PTPRM: variants seen among roughly 807,000 people sequenced by gnomAD.
PTPRM encodes the protein protein tyrosine phosphatase receptor type M.
Under a neutral mutation model 186.7 loss-of-function variants are expected in PTPRM, and 47 were observed. The ratio of observed to expected loss-of-function variants is 0.25; its 90% CI spans 0.20 to 0.32. The LOEUF is 0.32. Among genes scored for constraint, PTPRM ranks in the 10% least tolerant of loss-of-function variants. The pLI, the probability that PTPRM is intolerant of heterozygous loss-of-function variation, is 1.00. For synonymous variants in PTPRM, 668 were observed against 674.9 expected, an observed-to-expected ratio of 0.99 and a Z score of 0.16; for missense variants, 1,494 against 1,865.0, an observed-to-expected ratio of 0.80 and a Z score of 3.66.
intron 31 of PTPRM, among the ~76,000 whole-genome samples, chr18:8,390,611 C>T (rs1005144573): frequency 6.6e-6 from 1 of 152,172 alleles, no homozygotes; most frequent in Non-Finnish European, 1.5e-5. Flanking sequence ...GGGCAAAAAA[C>T]TTGACAGGTA....
At chr18:7,833,749 C>CAACAAT (rs1407577712) in intron 2 of PTPRM, among the ~76,000 whole-genome samples, 1 of 15,478 alleles carries the variant, frequency 6.5e-5, no homozygotes, top group Non-Finnish European at 9.2e-5. Context: ...AGAAAAACAA[C>CAACAAT]AACAACAACA....
chr18:8,230,618 A>G (rs2094274922), intron 14 of PTPRM, among the ~76,000 whole-genome samples: 1 of 152,228 alleles, frequency 6.6e-6, no homozygotes, highest in Admixed American at 6.5e-5. Context: ...GGGCTTTTGT[A>G]AGAGTTAAAC....
In PTPRM at chr18:7,888,327, T is replaced by C. The variant is rs2146350530; in HGVS notation, c.418T>C (p.Trp140Arg). ...TATATCTGGAGACCCAACACGTACA[T>C]GGAACAGGGCAGAACTGGCCATTAG... ...WNISGDPTRT[W>R]NRAELAISTF... The change falls in exon 3 of 33, where the codon TGG becomes CGG. Residue 140 changes from tryptophan (W) to arginine (R), a missense_variant. Transcript: ENST00000580170. 6.2e-7 allele frequency: 1 copy of C among 1,614,212 alleles called. No individual in the cohort carries two copies. The highest frequency in any genetic ancestry group is 8.5e-7 in the Non-Finnish European group (1 of 1,180,020).
intron 7 of PTPRM, among the ~76,000 whole-genome samples, chr18:8,000,407 A>G (rs1319761312): frequency 6.6e-6 from 1 of 152,140 alleles, no homozygotes; most frequent in Non-Finnish European, 1.5e-5. Flanking sequence ...CCCTCTTTTG[A>G]TGTATAATGG....
chr18:7,901,368 T>G (rs1286231660), intron 3 of PTPRM, among the ~76,000 whole-genome samples: 1 of 143,966 alleles, frequency 6.9e-6, no homozygotes, highest in Admixed American at 6.9e-5. Flanking sequence ...GAGCTGCATG[T>G]TTTTTTTTTC....
intron 32 of PTPRM, among the ~76,000 whole-genome samples, chr18:8,405,363 G>A (rs939323294): frequency 2.6e-5 from 4 of 152,112 alleles, no homozygotes; most frequent in Admixed American, 2.0e-4. Context: ...CTTTGAGAGT[G>A]AAAGAGGGTT....
At chr18:7,591,516 C>T (rs1031407646) in intron 1 of PTPRM, among the ~76,000 whole-genome samples, 1 of 152,180 alleles carries the variant, frequency 6.6e-6, no homozygotes, top group African/African-American at 2.4e-5. Context: ...TTCTAAAGCA[C>T]ATACAACAGC....
At chr18:8,294,524 C>A (rs1291110223) in intron 19 of PTPRM, among the ~76,000 whole-genome samples, 1 of 152,102 alleles carries the variant, frequency 6.6e-6, no homozygotes, top group African/African-American at 2.4e-5. Context: ...TCAATTACCT[C>A]CCACCAGGTC....
chr18:8,271,072 C>G (rs934189141), intron 19 of PTPRM, among the ~76,000 whole-genome samples: 3 of 152,070 alleles, frequency 2.0e-5, no homozygotes, highest in African/African-American at 4.8e-5. Flanking sequence ...CTGTGGTAAT[C>G]ATTTCACAAT....
chr18:7,930,486 T>C (rs2051420570), intron 5 of PTPRM, among the ~76,000 whole-genome samples: 1 of 151,986 alleles, frequency 6.6e-6, no homozygotes, highest in African/African-American at 2.4e-5. Context: ...AGGAGAGGAG[T>C]TGGAAGTTTA....
intron 1 of PTPRM, among the ~76,000 whole-genome samples, chr18:7,578,891 C>G (rs1204055436): frequency 6.6e-6 from 1 of 152,132 alleles, no homozygotes; most frequent in African/African-American, 2.4e-5. Flanking sequence ...GTCCATCAGT[C>G]TGTTCCCCCA....
chr18:8,366,391 G>A (rs1244058524), intron 23 of PTPRM, among the ~76,000 whole-genome samples: 2 of 152,162 alleles, frequency 1.3e-5, no homozygotes, highest in Non-Finnish European at 2.9e-5. Flanking sequence ...CAGACCTACC[G>A]AATTTATTCA....
At chr18:8,335,773 G>C (rs905854521) in intron 22 of PTPRM, among the ~76,000 whole-genome samples, 1 of 152,194 alleles carries the variant, frequency 6.6e-6, no homozygotes, top group Non-Finnish European at 1.5e-5. Context: ...TGTAATCCCA[G>C]CACTTTGGGA....
rs759516477 is a variant in PTPRM, at chr18:8,244,075, G to A, written c.2318G>A (p.Arg773Gln). The change falls in exon 15 of 33, where the codon CGG becomes CAG. Residue 773 changes from arginine to glutamine, a missense_variant. Physicochemically the swap from Arg to Gln is conservative, Grantham distance 43. Around this residue, in one of 3 missense-constraint regions of PTPRM, gnomAD observed 1,107 missense variants for 1,350.2 expected, o/e 0.82. Transcript: ENST00000580170. ...VMKKRKLAKK[R>Q]KETMSSTRQE... is the part of the protein sequence containing the mutation. ...ATCCTAAGGAAACTGGCCAAGAAGC[G>A]GAAAGAGACCATGAGCAGCACCCGA... 47 of 1,608,948 alleles carry A rather than the reference G, an allele frequency of 2.9e-5. No individual in the cohort carries two copies. The East Asian group carries it at 8.0e-4, about 28-fold the overall frequency.
intron 7 of PTPRM, among the ~76,000 whole-genome samples, chr18:7,973,897 C>T (rs1463611928): frequency 6.6e-6 from 1 of 150,630 alleles, no homozygotes; most frequent in Non-Finnish European, 1.5e-5. Flanking sequence ...AGATATTTTT[C>T]TACATTTTTG....
intron 14 of PTPRM, among the ~76,000 whole-genome samples, chr18:8,238,649 GTGTTT>G (rs2094375748): frequency 2.7e-5 from 2 of 73,650 alleles, no homozygotes; most frequent in Non-Finnish European, 5.8e-5. Context: ...ACTGTTTTGT[GTGTTT>G]TTTTTTTTTT....
chr18:8,155,738 G>A (rs369299537), intron 14 of PTPRM, among the ~76,000 whole-genome samples: 6 of 152,206 alleles, frequency 3.9e-5, no homozygotes, highest in South Asian at 2.1e-4. Context: ...GCATGCAGCC[G>A]GAGGCAAGTT....
intron 4 of PTPRM, among the ~76,000 whole-genome samples, chr18:7,925,158 A>G (rs959402046): frequency 3.7e-4 from 56 of 152,294 alleles, no homozygotes; most frequent in African/African-American, 1.3e-3. Flanking sequence ...TCATTTAGGG[A>G]CTTTTTACAG....
In PTPRM at chr18:7,774,074, C is replaced by T. The variant is rs368048127; in HGVS notation, c.74-75C>T. ...ATCAAACTTGGCATCAAGTCTAAGG[C>T]TTCCTGCAATCATCATAGCTTATTC... On this transcript the variant is annotated intron_variant, in intron 1 of 32. Transcript: ENST00000580170. 12 of 1,457,138 alleles carry T rather than the reference C, an allele frequency of 8.2e-6. No homozygotes were observed. The African/African-American group carries it at 1.1e-4, about 14-fold the overall frequency. 90.3% of individuals were successfully genotyped at this position (1,457,138 alleles called of 1,614,324 possible).
Sources: gnomAD v4.1 joint callset for allele counts (sites outside exome capture counted in the v4.1 genomes callset) on GRCh38, gnomAD v4.1.1 for gene constraint, gnomAD v4.1.1 regional missense constraint, MANE v1.5 for transcripts, NCBI Gene and HGNC (gene_info 2026-07-23, HGNC 2026-07-21) for gene names.